The following TMEM63C variants were observed in gnomAD, a reference collection of about 807,000 sequenced individuals.
TMEM63C encodes the protein osmosensitive cation channel TMEM63C.
A neutral mutation model predicts 99.2 loss-of-function variants in TMEM63C; 32 were observed. That is an observed-to-expected ratio of 0.32 (90% CI 0.24 to 0.43). TMEM63C has a LOEUF of 0.43. Ranked by LOEUF, TMEM63C falls within the 20% of genes least tolerant of loss-of-function variation. The pLI is 1.00. For synonymous variants in TMEM63C, 376 were observed against 397.9 expected (o/e 0.94, Z 0.66); for missense variants, 826 against 1,053.0 (o/e 0.78, Z 2.98).
rs78115368 is a variant in TMEM63C at position 77,220,165 on chromosome 14, G to A, written c.312+78G>A. 1.5e-3 allele frequency: 2,066 copies of A among 1,365,358 alleles called. 55 individuals carry two copies. In the East Asian group the frequency reaches 0.043, roughly 29 times the overall value. 84.6% of individuals were successfully genotyped at this position (1,365,358 alleles called of 1,614,324 possible). On this transcript the variant is annotated intron_variant, in intron 5 of 23. Coordinates refer to ENST00000298351, the MANE Select transcript of TMEM63C (RefSeq NM_020431.4). ...GCGTGGTGTGCACAGGAAGAAACAC[G>A]GCTTAGACCTTGGGGCTTTGTAATC...
chr14:77,192,165 C>T (rs562660893), intron 1 of TMEM63C, among the ~76,000 whole-genome samples: 1 of 152,312 alleles, frequency 6.6e-6, no homozygotes, highest in South Asian at 2.1e-4. Context: ...TTTCACTTTC[C>T]ACCTATGTGA....
intron 1 of TMEM63C, among the ~76,000 whole-genome samples, chr14:77,194,354 GT>G: frequency 7.5e-6 from 1 of 132,718 alleles, no homozygotes; most frequent in South Asian, 2.3e-4. Context: ...GTGTGTGTGT[GT>G]GTGTGTGTGT....
intron 22 of TMEM63C, among the ~76,000 whole-genome samples, 162 bp from the exon 23 acceptor site, chr14:77,253,143 C>A (rs1379196907): frequency 6.6e-6 from 1 of 152,206 alleles, no homozygotes; most frequent in Admixed American, 6.5e-5. Flanking sequence ...TCTCTCTGTC[C>A]CCCTGGGTCT....
chr14:77,237,211 C>T (rs1047711430), intron 9 of TMEM63C, among the ~76,000 whole-genome samples: 4 of 152,126 alleles, frequency 2.6e-5, no homozygotes, highest in Admixed American at 6.5e-5. Context: ...AGTGGACCAG[C>T]GGGGGCCTCC....
At chr14:77,254,204 T>C (rs918228237) in intron 23 of TMEM63C, among the ~76,000 whole-genome samples, 3 of 151,938 alleles carry the variant, frequency 2.0e-5, no homozygotes, top group African/African-American at 7.3e-5. Context: ...AGACCGGAGC[T>C]TGGGGGACTC....
At chr14:77,204,612 C>G (rs1235838843) in intron 1 of TMEM63C, among the ~76,000 whole-genome samples, 1 of 152,232 alleles carries the variant, frequency 6.6e-6, no homozygotes, top group Admixed American at 6.5e-5. Context: ...TGTCAAGGAG[C>G]TTCCCTTTGC....
intron 1 of TMEM63C, among the ~76,000 whole-genome samples, chr14:77,182,605 C>A (rs1379681839): frequency 6.6e-6 from 1 of 152,250 alleles, no homozygotes; most frequent in Admixed American, 6.5e-5. Context: ...TCTGGAGGGG[C>A]AGGGGCCCTT....
intron 1 of TMEM63C, among the ~76,000 whole-genome samples, chr14:77,191,542 T>TC (rs1345589895): frequency 1.6e-5 from 1 of 62,384 alleles, no homozygotes; most frequent in Non-Finnish European, 3.4e-5. Context: ...CTTTTTCTTT[T>TC]TTTTTTTTTT....
chr14:77,215,614 A>AAAAAAAAAGAAAAGAAAAG (rs772701077), intron 2 of TMEM63C, among the ~76,000 whole-genome samples: 1 of 76,528 alleles, frequency 1.3e-5, no homozygotes, highest in African/African-American at 5.6e-5. Flanking sequence ...AAAAAAAAAA[A>AAAAAAAAAGAAAAGAAAAG]AAAAGAAAAG....
intron 6 of TMEM63C, among the ~76,000 whole-genome samples, chr14:77,227,955 G>A (rs959448162): frequency 6.6e-6 from 1 of 152,206 alleles, no homozygotes; most frequent in Non-Finnish European, 1.5e-5. Flanking sequence ...TTGAGGAGCT[G>A]TTTTATTACA....
chr14:77,256,421 G>A (rs760534089), intron 23 of TMEM63C, 105 bp from the exon 24 acceptor site: 9 of 1,134,210 alleles, frequency 7.9e-6, no homozygotes, highest in Admixed American at 1.8e-5. Flanking sequence ...TCCAAGGTCT[G>A]GAGGAGACAG....
At chr14:77,243,126 A>T in intron 15 of TMEM63C, 70 bp downstream of exon 15, 2 of 1,576,776 alleles carry the variant, frequency 1.3e-6, no homozygotes, top group South Asian at 2.3e-5. Context: ...CGAGGATGGG[A>T]TGGGGGGAGC....
At chr14:77,202,860 CA>C (rs1888324753) in intron 1 of TMEM63C, among the ~76,000 whole-genome samples, 1 of 78,880 alleles carries the variant, frequency 1.3e-5, no homozygotes. Context: ...CACACACACA[CA>C]CACACGCACA....
chr14:77,242,114 G>GCCT (rs1889187130), intron 13 of TMEM63C, among the ~76,000 whole-genome samples: 1 of 152,220 alleles, frequency 6.6e-6, no homozygotes, highest in Non-Finnish European at 1.5e-5. Context: ...CCTCTGCCCT[G>GCCT]CCTGGGCAGT....
intron 23 of TMEM63C, among the ~76,000 whole-genome samples, chr14:77,255,798 T>C (rs1386674761): frequency 6.6e-6 from 1 of 152,274 alleles, no homozygotes. Flanking sequence ...AAAGGTCATC[T>C]AGATGGCTTA....
chr14:77,224,980 T>A (rs1888791601), intron 5 of TMEM63C, among the ~76,000 whole-genome samples: 1 of 152,136 alleles, frequency 6.6e-6, no homozygotes, highest in East Asian at 1.9e-4. Context: ...CTTAAGGAAA[T>A]TTTAATTGGC....
chr14:77,213,992 G>T (rs924339703), intron 2 of TMEM63C, among the ~76,000 whole-genome samples: 2 of 151,998 alleles, frequency 1.3e-5, no homozygotes, highest in East Asian at 3.9e-4. Context: ...GCCCTCCATC[G>T]CAGGTTCTGG....
At chr14:77,186,370 C>T (rs888522236) in intron 1 of TMEM63C, among the ~76,000 whole-genome samples, 2 of 152,068 alleles carry the variant, frequency 1.3e-5, no homozygotes, top group East Asian at 1.9e-4. Flanking sequence ...CCAACAATGT[C>T]GACTGCTCCA....
chr14:77,239,757 A>G, intron 12 of TMEM63C, 31 bp downstream of exon 12: 1 of 1,609,326 alleles, frequency 6.2e-7, no homozygotes, highest in Non-Finnish European at 8.5e-7. Flanking sequence ...GAGCACAGCA[A>G]GGGAGCGGTG....
Sources: gnomAD v4.1 joint callset for allele counts (sites outside exome capture counted in the v4.1 genomes callset) on GRCh38, gnomAD v4.1.1 for gene constraint, MANE v1.5 for transcripts, NCBI Gene and HGNC (gene_info 2026-07-23, HGNC 2026-07-21) for gene names.